TENM4: variants seen among roughly 807,000 people sequenced by gnomAD.
TENM4 encodes the protein teneurin-4.
TENM4 carries 82 observed loss-of-function variants against 243.3 expected under a neutral mutation model. That is an observed-to-expected ratio of 0.34 (90% CI 0.28 to 0.40). The LOEUF (loss-of-function observed/expected upper bound fraction) is 0.40. Among genes scored for constraint, TENM4 ranks in the 10% least tolerant of loss-of-function variants. The pLI is 1.00. For synonymous variants in TENM4, 1,412 were observed against 1,456.3 expected, an observed-to-expected ratio of 0.97 and a Z score of 0.69; for missense variants, 3,138 against 3,673.3, an observed-to-expected ratio of 0.85 and a Z score of 3.77.
intron 2 of TENM4, among the ~76,000 whole-genome samples, chr11:79,296,936 T>C (rs1856464929): frequency 1.3e-5 from 2 of 152,202 alleles, no homozygotes; most frequent in African/African-American, 4.8e-5. Context: ...GTGGTATTTA[T>C]CTTGTTCTCA....
chr11:79,409,567 C>T (rs578125073), intron 1 of TENM4, among the ~76,000 whole-genome samples: 3 of 152,230 alleles, frequency 2.0e-5, no homozygotes, highest in South Asian at 2.1e-4. Context: ...GAATAGCCCC[C>T]CCGGAACCAT....
chr11:79,247,502 T>C (rs1855540162), intron 2 of TENM4, among the ~76,000 whole-genome samples: 1 of 151,920 alleles, frequency 6.6e-6, no homozygotes, highest in Non-Finnish European at 1.5e-5. Context: ...GCCTTCCCTT[T>C]TCGACTGCAG....
At chr11:79,122,468 A>G (rs905388141) in intron 4 of TENM4, among the ~76,000 whole-genome samples, 16 of 152,142 alleles carry the variant, frequency 1.1e-4, no homozygotes, top group African/African-American at 3.9e-4. Context: ...GGAAGCTGAG[A>G]CTTGGAAGAT....
intron 19 of TENM4, among the ~76,000 whole-genome samples, chr11:78,745,402 T>C (rs1856027581): frequency 6.6e-6 from 1 of 152,080 alleles, no homozygotes; most frequent in Admixed American, 6.6e-5. Flanking sequence ...TAATTTTTTG[T>C]ATTTTTAGTA....
At chr11:79,399,935 AATT>A (rs765965058) in intron 1 of TENM4, among the ~76,000 whole-genome samples, 20 of 152,274 alleles carry the variant, frequency 1.3e-4, no homozygotes, top group Admixed American at 9.2e-4. Flanking sequence ...AATAAATGGT[AATT>A]ATTATTATCT....
At chr11:78,733,664 G>T in intron 20 of TENM4, among the ~76,000 whole-genome samples, 1 of 152,152 alleles carries the variant, frequency 6.6e-6, no homozygotes, top group East Asian at 1.9e-4. Flanking sequence ...AGAAAACTGA[G>T]TTCCTCCCTA....
intron 3 of TENM4, among the ~76,000 whole-genome samples, chr11:79,172,450 A>G (rs1007049446): frequency 1.3e-5 from 2 of 152,080 alleles, no homozygotes; most frequent in African/African-American, 4.8e-5. Context: ...CAGTTACTCA[A>G]ATAAAAACAT....
intron 4 of TENM4, among the ~76,000 whole-genome samples, chr11:79,134,306 T>C (rs1471297458): frequency 6.6e-6 from 1 of 152,154 alleles, no homozygotes; most frequent in Non-Finnish European, 1.5e-5. Context: ...AAAAGATCTC[T>C]ACAAGGAAAA....
At chr11:79,356,663 T>C (rs1353042057) in intron 1 of TENM4, among the ~76,000 whole-genome samples, 1 of 152,152 alleles carries the variant, frequency 6.6e-6, no homozygotes, top group East Asian at 1.9e-4. Context: ...CGAAAGGGCT[T>C]TGTAAAAAAT....
chr11:79,424,818 C>T (rs1859014462), intron 1 of TENM4, among the ~76,000 whole-genome samples: 1 of 151,570 alleles, frequency 6.6e-6, no homozygotes, highest in Non-Finnish European at 1.5e-5. Context: ...CCTATTGTCC[C>T]AGTTACTCAG....
chr11:79,187,741 C>A (rs767338650), intron 3 of TENM4, among the ~76,000 whole-genome samples: 9 of 152,116 alleles, frequency 5.9e-5, no homozygotes, highest in Admixed American at 2.0e-4. Context: ...TACCCCAGTA[C>A]AATTGGTGTC....
chr11:78,743,780 C>A (rs1590986796), intron 19 of TENM4, among the ~76,000 whole-genome samples: 1 of 152,052 alleles, frequency 6.6e-6, no homozygotes, highest in Non-Finnish European at 1.5e-5. Context: ...ATTATACAAG[C>A]AGATAAAGGA....
At chr11:79,302,203 A>G (rs960573728) in intron 1 of TENM4, among the ~76,000 whole-genome samples, 1 of 152,228 alleles carries the variant, frequency 6.6e-6, no homozygotes, top group African/African-American at 2.4e-5. Context: ...ATAAGAAATT[A>G]ACACAGGTCT....
chr11:78,687,250 C>A (rs185804852), intron 29 of TENM4, among the ~76,000 whole-genome samples: 1 of 152,220 alleles, frequency 6.6e-6, no homozygotes, highest in East Asian at 1.9e-4. Context: ...AGCTTGCTTT[C>A]TTTTCCTGGA....
chr11:79,145,519 C>T (rs528165384), intron 4 of TENM4, among the ~76,000 whole-genome samples: 1 of 152,122 alleles, frequency 6.6e-6, no homozygotes, highest in Admixed American at 6.6e-5. Flanking sequence ...TTTCTTTCAC[C>T]TTCATGCTTC....
intron 6 of TENM4, among the ~76,000 whole-genome samples, chr11:78,927,301 A>T (rs1856574015): frequency 6.6e-6 from 1 of 152,222 alleles, no homozygotes; most frequent in Non-Finnish European, 1.5e-5. Flanking sequence ...ATTTTCAAAG[A>T]AAAGGACCAA....
intron 6 of TENM4, among the ~76,000 whole-genome samples, chr11:78,929,298 C>T (rs553064821): frequency 3.9e-5 from 6 of 152,218 alleles, no homozygotes; most frequent in East Asian, 3.9e-4. Context: ...CTTCCATGTG[C>T]GGCAGGTAAT....
intron 19 of TENM4, among the ~76,000 whole-genome samples, chr11:78,745,744 C>T (rs1162382091): frequency 6.6e-6 from 1 of 152,124 alleles, no homozygotes; most frequent in African/African-American, 2.4e-5. Context: ...TTCTCATGGC[C>T]CACCTTCGGT....
rs181478954 is a variant in TENM4 at position 79,336,626 on chromosome 11, C to T, written c.-320-39083G>A. On this transcript the variant is annotated intron_variant, in intron 1 of 33. Transcript: ENST00000278550. ...CAAATTACTTAATCTCTCTAAGCCTCATTACTTCTATCTGTAAAATGGGAA... is the reference window on the plus strand; with the variant it reads ...CAAATTACTTAATCTCTCTAAGCCTTATTACTTCTATCTGTAAAATGGGAA... Among the ~76,000 whole-genome samples the T allele has an allele frequency of 2.4e-3, 371 of 152,298 alleles. 1 individual carries two copies. Among genetic ancestry groups the T allele is most frequent in the Non-Finnish European group, 4.1e-3 (281 of 68,032 alleles).
Sources: allele counts gnomAD v4.1 joint callset (sites outside exome capture counted in the v4.1 genomes callset), GRCh38; gene constraint gnomAD v4.1.1; transcripts MANE v1.5; gene names NCBI Gene and HGNC (gene_info 2026-07-23, HGNC 2026-07-21).